Variants in CLCN4 observed in about 807,000 individuals in gnomAD.
CLCN4 encodes Cl-/H+ antiporter 4.
Under a neutral mutation model 41.7 loss-of-function variants are expected in CLCN4, and 1 was observed. That is an observed-to-expected ratio of 0.02 (90% confidence interval 0.01 to 0.11). The LOEUF (loss-of-function observed/expected upper bound fraction) is 0.11, where lower values mean the gene tolerates loss of function less well. Ranked by LOEUF, CLCN4 falls within the 10% of genes least tolerant of loss-of-function variation. CLCN4 has a pLI of 1.00. For missense variants in CLCN4, 287 were observed against 661.0 expected, an observed-to-expected ratio of 0.43 and a Z score of 6.20; for synonymous variants, 277 against 285.8, an observed-to-expected ratio of 0.97 and a Z score of 0.31.
Position 10,236,539 on chromosome X carries a change from C to T in CLCN4, c.*2955C>T, listed in dbSNP as rs765790165. Reference sequence around the variant, plus strand: ...CCATGTGGTCCACTCACCCAGGGGCCCGGGGGCTCAGACAAACCCCATGGG... The same window carrying T: ...CCATGTGGTCCACTCACCCAGGGGCTCGGGGGCTCAGACAAACCCCATGGG... On this transcript the variant is annotated 3_prime_UTR_variant, in exon 13 of 13. Transcript: ENST00000380833. 30 of 111,020 alleles carry T rather than the reference C, an allele frequency of 2.7e-4. No homozygotes were observed. The highest frequency in any genetic ancestry group is 9.5e-4 in the African/African-American group (29 of 30,510). The allele number at this position is 111,020 out of a possible 1,213,427, so 9.1% of individuals were successfully genotyped here.
At chrX:10,229,757 G>A (rs1925080298) in intron 12 of CLCN4, among the ~76,000 whole-genome samples, 1 of 111,857 alleles carries the variant, frequency 8.9e-6, no homozygotes, top group Admixed American at 9.5e-5. Context: ...GTATTCCATA[G>A]TGTATATGTG....
In CLCN4 at chrX:10,233,713, C is replaced by T. The variant is rs1255113749; in HGVS notation, c.*129C>T. 8 of 524,874 alleles carry T rather than the reference C, an allele frequency of 1.5e-5. No homozygotes were observed. Among genetic ancestry groups the T allele is most frequent in the East Asian group, 7.4e-5 (2 of 26,916 alleles). 43.3% of individuals were successfully genotyped at this position (524,874 alleles called of 1,213,427 possible). On this transcript the variant is annotated 3_prime_UTR_variant, in exon 13 of 13. Coordinates refer to ENST00000380833, the MANE Select transcript of CLCN4 (RefSeq NM_001830.4). Reference sequence around the variant, plus strand: ...AGAAACAAAAGCTTTTTTGGAAAGGCGGGGAAGAAGGATGAAACCTTTAAA... The same window carrying T: ...AGAAACAAAAGCTTTTTTGGAAAGGTGGGGAAGAAGGATGAAACCTTTAAA...
rs766606341 is a variant in CLCN4 at position 10,168,998 on chromosome X, T to C, written c.-12+10447T>C. Among the ~76,000 whole-genome samples, 4 of 111,348 alleles carry C rather than the reference T, an allele frequency of 3.6e-5. No homozygotes were observed. The South Asian group carries it at 1.5e-3, about 42-fold the overall frequency. On this transcript the variant is annotated intron_variant, in intron 2 of 12. Coordinates refer to ENST00000380833, the MANE Select transcript of CLCN4 (RefSeq NM_001830.4). Reference sequence around the variant, plus strand: ...GCTTTCTTTGTATGTAAAGTGTCTCTTTTCTGTCACTGCTTTTAAGAGATC... The same window carrying C: ...GCTTTCTTTGTATGTAAAGTGTCTCCTTTCTGTCACTGCTTTTAAGAGATC...
At chrX:10,160,753 C>T (rs1252538518) in intron 2 of CLCN4, among the ~76,000 whole-genome samples, 2 of 111,488 alleles carry the variant, frequency 1.8e-5, no homozygotes, top group Non-Finnish European at 1.9e-5. Flanking sequence ...CAGACATGGT[C>T]GCATGCTTTA....
At chrX:10,209,347 T>TCCCTTTC (rs1323342729) in intron 9 of CLCN4, among the ~76,000 whole-genome samples, 2 of 80,466 alleles carry the variant, frequency 2.5e-5, no homozygotes, top group African/African-American at 1.0e-4. Context: ...TTTTCCCTTT[T>TCCCTTTC]CCCTTTCCTC....
At chrX:10,185,862 G>A (rs1044112057) in intron 3 of CLCN4, among the ~76,000 whole-genome samples, 1 of 111,654 alleles carries the variant, frequency 9.0e-6, no homozygotes, top group East Asian at 2.8e-4. Flanking sequence ...CCATGCTGGC[G>A]GTGGAGAGGA....
rs111650186 is a variant in CLCN4, at chrX:10,236,463, A to G, written c.*2879A>G. On this transcript the variant is annotated 3_prime_UTR_variant, in exon 13 of 13. Transcript: ENST00000380833. ...CTAAGGTCAAGGATGAGGAGTCTGC[A>G]GTGGGGACTACCACAGCAAACTGCC... 3 of 112,168 alleles carry G rather than the reference A, an allele frequency of 2.7e-5. No individual in the cohort carries two copies. Among genetic ancestry groups the G allele is most frequent in the Non-Finnish European group, 5.6e-5 (3 of 53,232 alleles). The allele number at this position is 112,168 out of a possible 1,213,427, so 9.2% of individuals were successfully genotyped here. A position where few individuals can be genotyped will look rare whatever the true frequency, so the allele number is the denominator to read the frequency against.
At chrX:10,203,405 G>A (rs1237951584) in intron 6 of CLCN4, among the ~76,000 whole-genome samples, 2 of 111,073 alleles carry the variant, frequency 1.8e-5, no homozygotes, top group Non-Finnish European at 3.8e-5. Flanking sequence ...GCTAGTTCAG[G>A]AAACACCATC....
At chrX:10,161,124 GCTCTCTCTCTCTCT>G (rs34687262) in intron 2 of CLCN4, among the ~76,000 whole-genome samples, 96 of 86,408 alleles carry the variant, frequency 1.1e-3, no homozygotes, top group African/African-American at 3.2e-3. Context: ...CCATCAGCTT[GCTCTCTCTCTCTCT>G]CTCTCTCTCT....
At chrX:10,233,429 T>G (rs1357306617) in intron 12 of CLCN4, 65 bp from the exon 13 acceptor site, 12 of 809,779 alleles carry the variant, frequency 1.5e-5, no homozygotes, top group Non-Finnish European at 5.6e-6. Context: ...GCACTGGGGT[T>G]TAGGGAGAGG....
chrX:10,208,273 A>G lies in CLCN4; in HGVS notation c.1072A>G (p.Arg358Gly). 8.3e-7 allele frequency: 1 copy of G among 1,211,373 alleles called. No homozygotes were observed. Among genetic ancestry groups the G allele is most frequent in the Non-Finnish European group, 1.1e-6 (1 of 895,401 alleles). ...LFIRCNIAWC[R>G]RRKTTRLGKY... ...CATCCGCTGCAACATCGCCTGGTGC[A>G]GGAGGCGCAAGACCACCAGGCTGGG... The change falls in exon 9 of 13, where the codon AGG becomes GGG. Residue 358 changes from arginine to glycine, a missense_variant. Arg to Gly is a moderately radical substitution (Grantham distance 125). This residue lies in a region of CLCN4 where 94 missense variants were observed against 177.9 expected (regional missense o/e 0.53). Transcript: ENST00000380833.
intron 11 of CLCN4, among the ~76,000 whole-genome samples, chrX:10,214,520 A>G (rs17255432): frequency 0.47 from 52,709 of 111,644 alleles, 8,864 homozygotes; most frequent in East Asian, 0.76. Context: ...TTTCAGGTGT[A>G]CCAACCATCC....
chrX:10,223,699 G>A (rs980396979), intron 12 of CLCN4, among the ~76,000 whole-genome samples: 5 of 111,657 alleles, frequency 4.5e-5, no homozygotes, highest in Non-Finnish European at 9.4e-5. Flanking sequence ...ACCAGGAATC[G>A]GAATGCCGCA....
chrX:10,206,009 G>C (rs993343487), intron 6 of CLCN4, among the ~76,000 whole-genome samples: 1 of 110,559 alleles, frequency 9.0e-6, no homozygotes, highest in Non-Finnish European at 1.9e-5. Context: ...ATATTTCAGA[G>C]TCAAAAGTTA....
chrX:10,218,333 A>G (rs980494205), intron 11 of CLCN4, among the ~76,000 whole-genome samples: 6 of 111,709 alleles, frequency 5.4e-5, no homozygotes, highest in Non-Finnish European at 1.1e-4. Flanking sequence ...TTTTAAAAAG[A>G]TGCATTTTCG....
At chrX:10,206,049 T>C (rs5979278) in intron 6 of CLCN4, among the ~76,000 whole-genome samples, 7,269 of 111,269 alleles carry the variant, frequency 0.065, 549 homozygotes, top group African/African-American at 0.21. Context: ...ACATGTCTCT[T>C]CTCAACATAA....
chrX:10,208,980 A>C (rs771651628), intron 9 of CLCN4, among the ~76,000 whole-genome samples: 1 of 111,624 alleles, frequency 9.0e-6, no homozygotes, highest in Non-Finnish European at 1.9e-5. Context: ...GGTTTGGCTC[A>C]GTTTGGCTCA....
intron 2 of CLCN4, among the ~76,000 whole-genome samples, chrX:10,176,332 G>C (rs940718271): frequency 8.9e-6 from 1 of 112,485 alleles, no homozygotes; most frequent in Non-Finnish European, 1.9e-5. Flanking sequence ...TCCTGTTTTT[G>C]TAAATAAAGT....
intron 11 of CLCN4, among the ~76,000 whole-genome samples, chrX:10,220,067 C>T (rs1924819992): frequency 9.0e-6 from 1 of 110,977 alleles, no homozygotes; most frequent in Non-Finnish European, 1.9e-5. Flanking sequence ...ACAGGAGATC[C>T]GAAGGGTTGA....
Sources: gnomAD v4.1 joint callset for allele counts (sites outside exome capture counted in the v4.1 genomes callset) on GRCh38, gnomAD v4.1.1 for gene constraint, gnomAD v4.1.1 regional missense constraint, MANE v1.5 for transcripts, NCBI Gene and HGNC (gene_info 2026-07-23, HGNC 2026-07-21) for gene names.